The following B3GALT5 variants were observed in gnomAD, a reference collection of about 807,000 sequenced individuals.
B3GALT5 encodes beta-1,3-galactosyltransferase 5.
For synonymous variants in B3GALT5, 156 were observed against 158.6 expected, an observed-to-expected ratio of 0.98 and a Z score of 0.12; for missense variants, 328 against 396.6, an observed-to-expected ratio of 0.83 and a Z score of 1.47.
chr21:39,653,955 T>C (rs925220899), intron 2 of B3GALT5, among the ~76,000 whole-genome samples: 4 of 152,238 alleles, frequency 2.6e-5, no homozygotes, highest in African/African-American at 7.2e-5. Flanking sequence ...GTCAAGGTAC[T>C]AAGTGGTTTT....
rs1334412215 is a variant in B3GALT5 at position 39,666,712 on chromosome 21, G to A, written c.*5220G>A. On this transcript the variant is annotated 3_prime_UTR_variant, in exon 4 of 4. Transcript: ENST00000684187. Reference sequence around the variant, plus strand: ...TAAAAAACAAAACAAAACCCTAAATGTATTTAATTCCTGCTCCTCTTCAAA... The same window carrying A: ...TAAAAAACAAAACAAAACCCTAAATATATTTAATTCCTGCTCCTCTTCAAA... 1 of 152,302 alleles carries A rather than the reference G, an allele frequency of 6.6e-6. No homozygotes were observed. The highest frequency in any genetic ancestry group is 1.5e-5 in the Non-Finnish European group (1 of 68,118). The allele number at this position is 152,302 out of a possible 1,614,324, so 9.4% of individuals were successfully genotyped here.
Position 39,647,477 on chromosome 21 carries a change from T to G in B3GALT5, c.-161+855T>G, listed in dbSNP as rs186830621. ...CCTCAGTCTCCTGAGTGGCTGGGAT[T>G]ACAGGTGTGTGCCACCATGCCCGGG... On this transcript the variant is annotated intron_variant, in intron 2 of 3. Coordinates refer to ENST00000684187, the MANE Select transcript of B3GALT5 (RefSeq NM_001356336.2). 1.9e-3 allele frequency among the ~76,000 whole-genome samples: 291 copies of G among 152,284 alleles called. 3 individuals are homozygous for G. In the East Asian group the frequency reaches 0.023, roughly 12 times the overall value.
At chr21:39,613,451 A>G (rs558326882) in intron 1 of B3GALT5, among the ~76,000 whole-genome samples, 1 of 152,298 alleles carries the variant, frequency 6.6e-6, no homozygotes, top group East Asian at 1.9e-4. Flanking sequence ...CAAACTCTGA[A>G]GCACCCTGCG....
chr21:39,616,043 T>C (rs546431798), intron 1 of B3GALT5, among the ~76,000 whole-genome samples: 1 of 152,332 alleles, frequency 6.6e-6, no homozygotes, highest in South Asian at 2.1e-4. Context: ...ATGACTAACA[T>C]CAGGGGAACA....
intron 1 of B3GALT5, among the ~76,000 whole-genome samples, chr21:39,640,843 G>A (rs966565094): frequency 6.6e-6 from 1 of 152,042 alleles, no homozygotes; most frequent in African/African-American, 2.4e-5. Flanking sequence ...GGGATCAAGC[G>A]ATCCTCCTGC....
chr21:39,642,734 C>T (rs897636345), intron 1 of B3GALT5, among the ~76,000 whole-genome samples: 1 of 152,082 alleles, frequency 6.6e-6, no homozygotes, highest in African/African-American at 2.4e-5. Flanking sequence ...GTCAAAATAG[C>T]CTATTTTAAA....
At chr21:39,626,492 G>T (rs1445121707) in intron 1 of B3GALT5, among the ~76,000 whole-genome samples, 1 of 152,180 alleles carries the variant, frequency 6.6e-6, no homozygotes, top group Non-Finnish European at 1.5e-5. Context: ...TAAGTTTTTT[G>T]AGGAGCTGTG....
intron 1 of B3GALT5, among the ~76,000 whole-genome samples, chr21:39,629,285 G>A (rs1320227312): frequency 6.6e-6 from 1 of 152,202 alleles, no homozygotes; most frequent in African/African-American, 2.4e-5. Flanking sequence ...AAAGTGCTGG[G>A]ATTATAGGCG....
chr21:39,632,103 A>G (rs935625443), intron 1 of B3GALT5, among the ~76,000 whole-genome samples: 1 of 152,242 alleles, frequency 6.6e-6, no homozygotes, highest in Non-Finnish European at 1.5e-5. Flanking sequence ...TCTGCCTGAC[A>G]GCCTGGTGGC....
At chr21:39,639,008 G>A (rs1470933800) in intron 1 of B3GALT5, among the ~76,000 whole-genome samples, 1 of 152,180 alleles carries the variant, frequency 6.6e-6, no homozygotes, top group African/African-American at 2.4e-5. Flanking sequence ...AATCTTAACA[G>A]TAGATGACAA....
intron 2 of B3GALT5, among the ~76,000 whole-genome samples, chr21:39,650,803 A>G (rs1468365991): frequency 6.6e-6 from 1 of 152,122 alleles, no homozygotes. Context: ...AAAAAATTAA[A>G]AAATTGTCAG....
chr21:39,659,683 C>T (rs2837108), intron 2 of B3GALT5, 70 bp from the exon 3 acceptor site: 378,480 of 884,472 alleles, frequency 0.43, 85,051 homozygotes, highest in Middle Eastern at 0.49. Context: ...GCTACAGACA[C>T]GGTAAATTGT....
Position 39,661,470 on chromosome 21 carries a change from G to A in B3GALT5, c.911G>A (p.Gly304Glu), listed in dbSNP as rs2079523834. 2.0e-6 allele frequency: 3 copies of A among 1,509,182 alleles called. No individual in the cohort carries two copies. In the East Asian group the frequency reaches 6.9e-5, roughly 34 times the overall value. 93.5% of individuals were successfully genotyped at this position (1,509,182 alleles called of 1,614,324 possible). The change falls in exon 4 of 4, where the codon GGG becomes GAG. Residue 304 changes from glycine (G) to glutamate (E), a missense_variant. By Grantham distance (98) the Gly-to-Glu change is moderately conservative (BLOSUM62 -2). Coordinates refer to ENST00000684187, the MANE Select transcript of B3GALT5 (RefSeq NM_001356336.2). The surrounding 1 kb of genome is among the most constrained non-coding windows in gnomAD (Gnocchi z 4.7). Reference sequence around the variant, plus strand: ...TGGCAGGCTCTAGAGAATTCCCGGGGGGAAGATTGTCCGCCTGTCTGAGGG... The same window carrying A: ...TGGCAGGCTCTAGAGAATTCCCGGGAGGAAGATTGTCCGCCTGTCTGAGGG... ...DYWQALENSRGEDCPPV is the reference protein window; with the variant it reads ...DYWQALENSREEDCPPV
chr21:39,641,228 A>C (rs968366748), intron 1 of B3GALT5, among the ~76,000 whole-genome samples: 2 of 152,260 alleles, frequency 1.3e-5, no homozygotes, highest in Non-Finnish European at 2.9e-5. Context: ...ATTACTAAAA[A>C]CATGAAGTTA....
intron 1 of B3GALT5, among the ~76,000 whole-genome samples, chr21:39,615,148 T>C (rs1233117826): frequency 2.0e-5 from 3 of 152,190 alleles, no homozygotes; most frequent in South Asian, 2.1e-4. Context: ...CCCAGGTAAG[T>C]CCTTGGACTT....
In B3GALT5 at chr21:39,661,657, C is replaced by A. The variant is rs905149883; in HGVS notation, c.*165C>A. The A allele has an allele frequency of 7.8e-6, 5 of 637,908 alleles. No homozygotes were observed. 39.5% of individuals were successfully genotyped at this position (637,908 alleles called of 1,614,324 possible). A position where few individuals can be genotyped will look rare whatever the true frequency, so the allele number is the denominator to read the frequency against. On this transcript the variant is annotated 3_prime_UTR_variant, in exon 4 of 4. Coordinates refer to ENST00000684187, the MANE Select transcript of B3GALT5 (RefSeq NM_001356336.2). The surrounding 1 kb of genome is among the most constrained non-coding windows in gnomAD (Gnocchi z 4.7). ...TCACTGATTAGTTCCCACTTGGTGC[C>A]CCAGGCAATAATAGGCCCGTCTCTT...
At chr21:39,636,674 A>T (rs796661400) in intron 1 of B3GALT5, among the ~76,000 whole-genome samples, 20 of 152,226 alleles carry the variant, frequency 1.3e-4, no homozygotes, top group African/African-American at 4.8e-4. Context: ...TGGCCTGACC[A>T]GTGCTTCCTT....
chr21:39,658,133 A>G (rs1373607393), intron 2 of B3GALT5, among the ~76,000 whole-genome samples: 2 of 152,188 alleles, frequency 1.3e-5, no homozygotes, highest in Non-Finnish European at 2.9e-5. Context: ...AAAGATGCAG[A>G]TGTCTCATAT....
chr21:39,643,090 G>T (rs566414969), intron 1 of B3GALT5, among the ~76,000 whole-genome samples: 31 of 151,656 alleles, frequency 2.0e-4, no homozygotes, highest in Non-Finnish European at 4.1e-4. Flanking sequence ...TTTACTAATG[G>T]GATAGACACA....
Sources: gnomAD v4.1 joint callset for allele counts (sites outside exome capture counted in the v4.1 genomes callset) on GRCh38, gnomAD v4.1.1 for gene constraint, Gnocchi (gnomAD v3.1) non-coding constraint, MANE v1.5 for transcripts, NCBI Gene and HGNC (gene_info 2026-07-23, HGNC 2026-07-21) for gene names.